Variants in NFIC observed in about 807,000 individuals in gnomAD.
NFIC encodes the protein nuclear factor 1 C-type.
A neutral mutation model predicts 54.4 loss-of-function variants in NFIC; 12 were observed. The observed-to-expected ratio is 0.22, with a 90% CI of 0.14 to 0.36. The LOEUF is 0.36. Among genes scored for constraint, NFIC ranks in the 10% least tolerant of loss-of-function variants. NFIC has a pLI of 1.00. For synonymous variants in NFIC, 322 were observed against 319.2 expected, an observed-to-expected ratio of 1.01 and a Z score of -0.09; for missense variants, 575 against 718.2, an observed-to-expected ratio of 0.80 and a Z score of 2.28.
At chr19:3,455,383 G>T (rs2082535801) in intron 9 of NFIC, among the ~76,000 whole-genome samples, 1 of 151,296 alleles carries the variant, frequency 6.6e-6, no homozygotes, top group South Asian at 2.1e-4. Flanking sequence ...TCCACTCAGG[G>T]CTCGGTGGGA....
chr19:3,379,479 G>A (rs1342505795), intron 1 of NFIC, among the ~76,000 whole-genome samples: 1 of 151,618 alleles, frequency 6.6e-6, no homozygotes, highest in Non-Finnish European at 1.5e-5. Context: ...CTGAGTAGCC[G>A]GGACTACAGG....
chr19:3,444,828 C>T (rs1039737765), intron 6 of NFIC, among the ~76,000 whole-genome samples: 14 of 152,304 alleles, frequency 9.2e-5, no homozygotes, highest in African/African-American at 3.4e-4. Flanking sequence ...CTTGCACACA[C>T]GCATGCATGC....
rs564072247 is a variant in NFIC at position 3,411,294 on chromosome 19, A to G, written c.563-13812A>G. 44 of 142,772 alleles carry G rather than the reference A, an allele frequency of 3.1e-4. 1 individual carries two copies. The South Asian group carries it at 9.5e-3, about 31-fold the overall frequency. The allele number at this position is 142,772 out of a possible 1,614,324, so 8.8% of individuals were successfully genotyped here. A position where few individuals can be genotyped will look rare whatever the true frequency, so the allele number is the denominator to read the frequency against. On this transcript the variant is annotated intron_variant, in intron 2 of 10. Transcript: ENST00000443272. Reference sequence around the variant, plus strand: ...CTTGACCTTCCAAAGTGCAGGAATTATAGGTGTGAGCCACCATGCCCAGCC... The same window carrying G: ...CTTGACCTTCCAAAGTGCAGGAATTGTAGGTGTGAGCCACCATGCCCAGCC...
chr19:3,451,907 A>C (rs1293026058), intron 7 of NFIC, among the ~76,000 whole-genome samples: 1 of 152,036 alleles, frequency 6.6e-6, no homozygotes, highest in Non-Finnish European at 1.5e-5. Flanking sequence ...ACCTGAGGTC[A>C]GGAGTTCAAG....
At chr19:3,362,546 G>A (rs1396917101), upstream of NFIC, among the ~76,000 whole-genome samples, 1 of 151,964 alleles carries the variant, frequency 6.6e-6, no homozygotes, top group African/African-American at 2.4e-5. Flanking sequence ...TGTGTATGTA[G>A]CTGTGTGTCG....
intron 2 of NFIC, among the ~76,000 whole-genome samples, chr19:3,382,486 A>G (rs1352028152): frequency 3.0e-5 from 4 of 134,082 alleles, no homozygotes; most frequent in Non-Finnish European, 6.4e-5. Flanking sequence ...GTCTAGGAGA[A>G]TATGTAAAGT....
At chr19:3,413,542 G>A (rs984984681) in intron 2 of NFIC, among the ~76,000 whole-genome samples, 3 of 152,030 alleles carry the variant, frequency 2.0e-5, no homozygotes, top group South Asian at 2.1e-4. Context: ...ATATGGGGAC[G>A]GTAATCACGT....
chr19:3,360,374 G>C (rs1169887231), intron 1 of NFIC, among the ~76,000 whole-genome samples: 2 of 150,656 alleles, frequency 1.3e-5, no homozygotes, highest in South Asian at 4.1e-4. Flanking sequence ...GGGGTCCCCA[G>C]CTGGGAGGGA....
intron 2 of NFIC, among the ~76,000 whole-genome samples, chr19:3,388,142 G>A (rs762266644): frequency 9.2e-5 from 14 of 152,166 alleles, no homozygotes; most frequent in Non-Finnish European, 1.5e-4. Context: ...GTCCAGCGCC[G>A]GGAATGGCGC....
In NFIC at chr19:3,375,646, G is replaced by GGACA. The variant is rs1324978746; in HGVS notation, c.31-6066_31-6065insGACA. Among the ~76,000 whole-genome samples the GGACA allele has an allele frequency of 5.4e-4, 83 of 152,364 alleles. No individual in the cohort carries two copies. In the Middle Eastern group the frequency reaches 0.014, roughly 25 times the overall value. On this transcript the variant is annotated intron_variant, in intron 1 of 10. Coordinates refer to ENST00000443272, the MANE Select transcript of NFIC (RefSeq NM_001245002.2). This position sits in a 1 kb window ranked among gnomAD's most constrained non-coding sequence, Gnocchi z 4.6. ...GACTCACGCTTTGGGGGACATTGGG[G>GGACA]TGGGGGAGCTTCGCTGGTACAAGCT...
intron 6 of NFIC, among the ~76,000 whole-genome samples, chr19:3,443,422 CAAA>C (rs1187383710): frequency 1.5e-5 from 2 of 133,782 alleles, no homozygotes; most frequent in Non-Finnish European, 1.6e-5. Flanking sequence ...GACCCTATCT[CAAA>C]AAAAAAAAAA....
chr19:3,426,389 G>A (rs747380933), intron 3 of NFIC, among the ~76,000 whole-genome samples: 5 of 152,060 alleles, frequency 3.3e-5, no homozygotes, highest in Non-Finnish European at 4.4e-5. Context: ...CTCATGGGGC[G>A]TCTAATAGAT....
intron 3 of NFIC, among the ~76,000 whole-genome samples, chr19:3,430,843 A>G (rs2082108260): frequency 6.6e-6 from 1 of 150,872 alleles, no homozygotes; most frequent in African/African-American, 2.4e-5. Context: ...GAGACAGGAG[A>G]ATCGCTTGAA....
chr19:3,417,096 A>G (rs918454151), intron 2 of NFIC, among the ~76,000 whole-genome samples: 3 of 149,980 alleles, frequency 2.0e-5, no homozygotes, highest in African/African-American at 4.9e-5. Context: ...CATGTTAGCC[A>G]GGATGGTCTC....
chr19:3,418,033 G>A (rs527360567), intron 2 of NFIC, among the ~76,000 whole-genome samples: 4 of 151,710 alleles, frequency 2.6e-5, no homozygotes, highest in Admixed American at 1.3e-4. Flanking sequence ...CACCAGCCAC[G>A]TGTGGCTCTT....
chr19:3,397,798 G>C (rs549774360), intron 2 of NFIC, among the ~76,000 whole-genome samples: 1 of 152,338 alleles, frequency 6.6e-6, no homozygotes, highest in South Asian at 2.1e-4. Context: ...GAATGTGAGC[G>C]GGGGAGGCTG....
At chr19:3,371,049 G>T (rs998330695) in intron 1 of NFIC, among the ~76,000 whole-genome samples, 6 of 152,222 alleles carry the variant, frequency 3.9e-5, no homozygotes, top group African/African-American at 1.4e-4. Context: ...CCAACACACA[G>T]ACCTAGAGTG....
In NFIC at chr19:3,462,935, GGAGGAAAA is replaced by G. The variant is rs1330230344; in HGVS notation, c.*169_*176del. The stretch of plus-strand genomic sequence containing the variant: ...CAAAACACATAGACGCACACACTCA[GGAGGAAAA>G]GAAAAAACAAAGGCAGAAGAAGAAG... On this transcript the variant is annotated 3_prime_UTR_variant, in exon 11 of 11. Coordinates refer to ENST00000443272, the MANE Select transcript of NFIC (RefSeq NM_001245002.2). The G allele has an allele frequency of 2.2e-5, 32 of 1,454,080 alleles. No homozygotes were observed. The African/African-American group carries it at 4.5e-4, about 20-fold the overall frequency. The allele number at this position is 1,454,080 out of a possible 1,614,324, so 90.1% of individuals were successfully genotyped here.
chr19:3,383,601 T>G (rs1439304749), intron 2 of NFIC, among the ~76,000 whole-genome samples: 4 of 152,054 alleles, frequency 2.6e-5, no homozygotes, highest in Non-Finnish European at 5.9e-5. Context: ...ACGTGCGAGG[T>G]GTCAGCTGCA....
Sources: gnomAD v4.1 joint callset for allele counts (sites outside exome capture counted in the v4.1 genomes callset) on GRCh38, gnomAD v4.1.1 for gene constraint, Gnocchi (gnomAD v3.1) non-coding constraint, MANE v1.5 for transcripts, NCBI Gene and HGNC (gene_info 2026-07-23, HGNC 2026-07-21) for gene names.